Variants in PRKAR2B observed in about 807,000 individuals in gnomAD.
PRKAR2B encodes protein kinase cAMP-dependent type II regulatory subunit beta, also known as cAMP-dependent protein kinase type II-beta regulatory subunit.
In PRKAR2B, 14 loss-of-function variants were observed where a neutral mutation model predicts 49.9. The ratio of observed to expected loss-of-function variants is 0.28; its 90% CI spans 0.19 to 0.44. The LOEUF (loss-of-function observed/expected upper bound fraction) is 0.44, where lower values mean the gene tolerates loss of function less well. Ranked by LOEUF, PRKAR2B falls within the 20% of genes least tolerant of loss-of-function variation. The probability of loss-of-function intolerance (pLI) is 1.00; values close to 1 mark genes in which losing one functional copy is unlikely to be tolerated. For missense variants in PRKAR2B, 393 were observed against 537.9 expected (o/e 0.73, Z 2.67); for synonymous variants, 196 against 197.7 (o/e 0.99, Z 0.07).
chr7:107,077,565 A>G (rs1794422973), intron 2 of PRKAR2B, among the ~76,000 whole-genome samples: 1 of 152,220 alleles, frequency 6.6e-6, no homozygotes, highest in Admixed American at 6.5e-5. Context: ...ATATGTTGCT[A>G]TGCAGTTTGC....
chr7:107,118,483 G>A (rs546876495), intron 2 of PRKAR2B, among the ~76,000 whole-genome samples: 1 of 152,106 alleles, frequency 6.6e-6, no homozygotes, highest in Non-Finnish European at 1.5e-5. Flanking sequence ...TGAGCTAGTA[G>A]GCAATGTGCC....
At chr7:107,056,943 A>G (rs1284448992) in intron 1 of PRKAR2B, among the ~76,000 whole-genome samples, 2 of 152,186 alleles carry the variant, frequency 1.3e-5, no homozygotes, top group Non-Finnish European at 2.9e-5. Context: ...GTAGGATTTC[A>G]TATTGTAATT....
intron 10 of PRKAR2B, among the ~76,000 whole-genome samples, chr7:107,157,895 A>G (rs972951781): frequency 6.6e-6 from 1 of 152,210 alleles, no homozygotes; most frequent in African/African-American, 2.4e-5. Context: ...TTACTTTGAT[A>G]AGAAAATACA....
chr7:107,135,410 G>A (rs1170187869), intron 4 of PRKAR2B, among the ~76,000 whole-genome samples: 2 of 152,158 alleles, frequency 1.3e-5, no homozygotes, highest in Non-Finnish European at 2.9e-5. Context: ...ACAAGAAAGT[G>A]TAGTAAAATG....
intron 8 of PRKAR2B, 121 bp downstream of exon 8, chr7:107,153,372 A>G (rs980310773): frequency 1.2e-5 from 7 of 573,862 alleles, no homozygotes; most frequent in Non-Finnish European, 2.0e-5. Flanking sequence ...TTAAATAAAT[A>G]TTACTTCTAC....
rs564803169 is a variant in PRKAR2B, at chr7:107,057,776, C to A, written c.308-12505C>A. Among the ~76,000 whole-genome samples the A allele has an allele frequency of 4.0e-5, 6 of 150,938 alleles. No individual in the cohort carries two copies. The East Asian group carries it at 9.7e-4, about 25-fold the overall frequency. On this transcript the variant is annotated intron_variant, in intron 1 of 10. Coordinates refer to ENST00000265717, the MANE Select transcript of PRKAR2B (RefSeq NM_002736.3). The stretch of plus-strand genomic sequence containing the variant: ...AGCATTAATGTGTGTTAAAAAAAAA[C>A]ACAACAAAACCAAAAGGAAACAAAC...
At chr7:107,118,062 A>G (rs1795313370) in intron 2 of PRKAR2B, among the ~76,000 whole-genome samples, 2 of 152,226 alleles carry the variant, frequency 1.3e-5, no homozygotes, top group African/African-American at 4.8e-5. Flanking sequence ...CAGATTGCGT[A>G]GGAGGCATGG....
At chr7:107,045,412 C>G (rs562409623) in intron 1 of PRKAR2B, among the ~76,000 whole-genome samples, 198 bp downstream of exon 1, 1 of 152,206 alleles carries the variant, frequency 6.6e-6, no homozygotes, top group African/African-American at 2.4e-5. Context: ...ACTCCGCTCT[C>G]TGTCATACCC....
rs563204876 is a variant in PRKAR2B, at chr7:107,075,510, C to T, written c.343+5194C>T. 5.3e-5 allele frequency among the ~76,000 whole-genome samples: 8 copies of T among 152,096 alleles called. No homozygotes were observed. The South Asian group carries it at 1.7e-3, about 32-fold the overall frequency. On this transcript the variant is annotated intron_variant, in intron 2 of 10. Coordinates refer to ENST00000265717, the MANE Select transcript of PRKAR2B (RefSeq NM_002736.3). ...CACCTTCCAGGTTGAAGTGATCCTTCCACCTCACCCTCCCTAGTAACTGGG... is the reference window on the plus strand; with the variant it reads ...CACCTTCCAGGTTGAAGTGATCCTTTCACCTCACCCTCCCTAGTAACTGGG...
chr7:107,154,650 T>A (rs1354694525), intron 8 of PRKAR2B, among the ~76,000 whole-genome samples: 1 of 152,266 alleles, frequency 6.6e-6, no homozygotes, highest in Non-Finnish European at 1.5e-5. Flanking sequence ...TAGAATCAGA[T>A]GCTAAACTTC....
At chr7:107,062,415 T>A (rs757946276) in intron 1 of PRKAR2B, among the ~76,000 whole-genome samples, 3 of 152,180 alleles carry the variant, frequency 2.0e-5, no homozygotes, top group Non-Finnish European at 4.4e-5. Context: ...GATATATATA[T>A]TGTGGTATAT....
chr7:107,056,995 G>A (rs1050807245), intron 1 of PRKAR2B, among the ~76,000 whole-genome samples: 1 of 152,206 alleles, frequency 6.6e-6, no homozygotes, highest in Admixed American at 6.5e-5. Flanking sequence ...AATGCTGTAT[G>A]TCATTGCATC....
rs116524756 is a variant in PRKAR2B, at chr7:107,144,445, T to C, written c.588-1863T>C. On this transcript the variant is annotated intron_variant, in intron 5 of 10. Transcript: ENST00000265717. ...TTCTGCTGTTATTGCTTCTTTATTA[T>C]TAATAATCCTTTTCTTTCTTTTTTG... 1.2e-3 allele frequency among the ~76,000 whole-genome samples: 189 copies of C among 152,136 alleles called. 1 individual carries two copies. The highest frequency in any genetic ancestry group is 4.5e-3 in the African/African-American group (185 of 41,500).
chr7:107,101,146 T>A (rs1414276072), intron 2 of PRKAR2B, among the ~76,000 whole-genome samples: 4 of 149,862 alleles, frequency 2.7e-5, no homozygotes, highest in African/African-American at 4.9e-5. Context: ...TTTTTTTTTT[T>A]TTTTTTTTTT....
At chr7:107,066,469 T>C (rs1371457535) in intron 1 of PRKAR2B, 1 of 152,216 alleles carries the variant, frequency 6.6e-6, no homozygotes, top group Non-Finnish European at 1.5e-5. Context: ...CTGTGTATTT[T>C]TTATATTTAA....
At chr7:107,081,782 G>C (rs1794520094) in intron 2 of PRKAR2B, 1 of 152,224 alleles carries the variant, frequency 6.6e-6, no homozygotes, top group South Asian at 2.1e-4. Context: ...ATAGTGGAAA[G>C]AAGGGGCCTT....
chr7:107,059,929 A>G (rs1402721715), intron 1 of PRKAR2B, among the ~76,000 whole-genome samples: 1 of 152,114 alleles, frequency 6.6e-6, no homozygotes, highest in Non-Finnish European at 1.5e-5. Flanking sequence ...TATATGATGT[A>G]TGATATTGCG....
At chr7:107,064,418 G>T (rs1384420106) in intron 1 of PRKAR2B, among the ~76,000 whole-genome samples, 1 of 152,140 alleles carries the variant, frequency 6.6e-6, no homozygotes, top group Non-Finnish European at 1.5e-5. Flanking sequence ...GTCTTACTCT[G>T]CCCCACCTCC....
intron 1 of PRKAR2B, among the ~76,000 whole-genome samples, chr7:107,065,519 A>G (rs1443968385): frequency 1.3e-5 from 2 of 152,090 alleles, no homozygotes; most frequent in Non-Finnish European, 2.9e-5. Context: ...TTAGTCTTCT[A>G]CTGGATTTCT....
Sources: allele counts gnomAD v4.1 joint callset (sites outside exome capture counted in the v4.1 genomes callset), GRCh38; gene constraint gnomAD v4.1.1; transcripts MANE v1.5; gene names NCBI Gene and HGNC (gene_info 2026-07-23, HGNC 2026-07-21).